HCK: variants seen among roughly 807,000 people sequenced by gnomAD.
The protein encoded by HCK is HCK proto-oncogene, Src family tyrosine kinase.
In HCK, 40 loss-of-function variants were observed where a neutral mutation model predicts 70.4. The ratio of observed to expected loss-of-function variants is 0.57; its 90% CI spans 0.44 to 0.74. HCK has a LOEUF of 0.74. Among genes scored for constraint, HCK ranks in the 30% least tolerant of loss-of-function variants. The pLI, the probability that HCK is intolerant of heterozygous loss-of-function variation, is 0.00. For synonymous variants in HCK, 245 were observed against 263.2 expected, an observed-to-expected ratio of 0.93 and a Z score of 0.67; for missense variants, 568 against 697.2, an observed-to-expected ratio of 0.81 and a Z score of 2.09.
intron 1 of HCK, chr20:32,054,208 C>T (rs1159657169): frequency 4.4e-6 from 2 of 456,524 alleles, no homozygotes; most frequent in East Asian, 1.4e-4. Flanking sequence ...GTTTCTCTCC[C>T]TCCCCAGGGG....
intron 2 of HCK, chr20:32,072,170 ATACTAATAG>A (rs2045550252): frequency 5.0e-6 from 1 of 198,190 alleles, no homozygotes; most frequent in Admixed American, 5.4e-5. Context: ...AACAATTGTC[ATACTAATAG>A]TACCAACCAT....
chr20:32,061,408 C>A (rs1380094602), intron 1 of HCK, among the ~76,000 whole-genome samples: 1 of 152,214 alleles, frequency 6.6e-6, no homozygotes. Context: ...TGGCTGGGAG[C>A]AGCCCATGAG....
intron 12 of HCK, among the ~76,000 whole-genome samples, chr20:32,099,766 C>T (rs955066650): frequency 6.6e-6 from 1 of 152,166 alleles, no homozygotes; most frequent in African/African-American, 2.4e-5. Flanking sequence ...TCCAGGCCAG[C>T]GTCATCTCCC....
intron 6 of HCK, among the ~76,000 whole-genome samples, chr20:32,081,915 A>T (rs2122567983): frequency 6.6e-6 from 1 of 152,338 alleles, no homozygotes; most frequent in Admixed American, 6.5e-5. Context: ...GAGATGGGGC[A>T]TGTTGGGAAT....
chr20:32,083,112 T>C (rs2045730267), intron 6 of HCK, among the ~76,000 whole-genome samples: 2 of 152,138 alleles, frequency 1.3e-5, no homozygotes, highest in Non-Finnish European at 2.9e-5. Flanking sequence ...CCTTGGCTCA[T>C]AGTCCCTTCC....
chr20:32,052,519 C>A, intron 1 of HCK, 33 bp downstream of exon 1: 1 of 1,257,108 alleles, frequency 8.0e-7, no homozygotes, highest in Non-Finnish European at 1.0e-6. Context: ...CGGGAATACC[C>A]GGCCCGCGAG....
intron 10 of HCK, 92 bp downstream of exon 10, chr20:32,088,736 A>G: frequency 2.3e-6 from 2 of 881,450 alleles, no homozygotes; most frequent in Non-Finnish European, 3.8e-6. Context: ...TGATGATAGC[A>G]GTAATAATAA....
intron 1 of HCK, among the ~76,000 whole-genome samples, chr20:32,064,908 C>T (rs958755951): frequency 1.3e-5 from 2 of 152,224 alleles, no homozygotes; most frequent in Admixed American, 6.5e-5. Flanking sequence ...GTATCTTTAC[C>T]AGGGATCAGC....
chr20:32,093,754 G>A, intron 10 of HCK, 109 bp from the exon 11 acceptor site: 1 of 1,018,748 alleles, frequency 9.8e-7, no homozygotes, highest in Non-Finnish European at 1.4e-6. Flanking sequence ...GAGGGCTGGT[G>A]CAGACATTTC....
chr20:32,100,332 G>A (rs1464785923), intron 12 of HCK, among the ~76,000 whole-genome samples: 1 of 152,218 alleles, frequency 6.6e-6, no homozygotes, highest in Non-Finnish European at 1.5e-5. Flanking sequence ...GGCAGCCAGT[G>A]AGGAGGCCAC....
At chr20:32,071,807 C>T in intron 2 of HCK, 25 bp downstream of exon 2, 2 of 1,609,982 alleles carry the variant, frequency 1.2e-6, no homozygotes, top group Non-Finnish European at 1.7e-6. Flanking sequence ...TCCCAGTTTC[C>T]CTGGGGGCTG....
chr20:32,065,329 G>A lies in HCK; in HGVS notation c.63-6333G>A, dbSNP rs529430013. Among the ~76,000 whole-genome samples the A allele has an allele frequency of 4.6e-5, 7 of 152,344 alleles. No homozygotes were observed. In the South Asian group the frequency reaches 1.5e-3, roughly 32 times the overall value. ...AATCCAGAGTGTGACCCAAGAATATGCAAGAATCAGTGGAGACTTTTTGAG... is the reference window on the plus strand; with the variant it reads ...AATCCAGAGTGTGACCCAAGAATATACAAGAATCAGTGGAGACTTTTTGAG... On this transcript the variant is annotated intron_variant, in intron 1 of 12. Transcript: ENST00000375852.
intron 12 of HCK, among the ~76,000 whole-genome samples, chr20:32,100,639 C>A (rs1384094734): frequency 6.6e-6 from 1 of 152,098 alleles, no homozygotes; most frequent in Admixed American, 6.6e-5. Flanking sequence ...GAGTTTGAGA[C>A]TAATAATATA....
rs532996242 is a variant in HCK at position 32,080,992 on chromosome 20, G to A, written c.532+1115G>A. On this transcript the variant is annotated intron_variant, in intron 6 of 12. Coordinates refer to ENST00000375852, the MANE Select transcript of HCK (RefSeq NM_002110.5). Reference sequence around the variant, plus strand: ...TACTCCCTGATACTCAGAAGGGTGAGGCCAGATGATCTCTTGAGTCCAGGA... The same window carrying A: ...TACTCCCTGATACTCAGAAGGGTGAAGCCAGATGATCTCTTGAGTCCAGGA... 1.3e-4 allele frequency among the ~76,000 whole-genome samples: 20 copies of A among 152,114 alleles called. No homozygotes were observed. In the South Asian group the frequency reaches 4.2e-3, roughly 32 times the overall value.
intron 1 of HCK, chr20:32,069,609 G>A (rs565896550): frequency 2.3e-6 from 1 of 434,886 alleles, no homozygotes; most frequent in African/African-American, 2.1e-5. Context: ...ATAAATCTGT[G>A]CTTAATTATG....
At chr20:32,078,195 C>G (rs983055483) in intron 5 of HCK, among the ~76,000 whole-genome samples, 1 of 149,088 alleles carries the variant, frequency 6.7e-6, no homozygotes, top group Non-Finnish European at 1.5e-5. Flanking sequence ...CCACCATGCT[C>G]GGCTAATTTT....
In HCK at chr20:32,086,748, A is replaced by G; in HGVS notation, c.956A>G (p.Lys319Arg). ...ACTCTGCAGCATGACAAGCTGGTCA[A>G]ACTTCATGCGGTGGTCACCAAGGAG... Residue 319 changes from lysine (K) to arginine (R), a missense_variant, in exon 9 of 13, where the codon AAA (lysine) becomes AGA (arginine). By Grantham distance (26) the Lys-to-Arg change is conservative. Around this residue, in one of 4 missense-constraint regions of HCK, gnomAD observed 160 missense variants for 237.5 expected, o/e 0.67. Transcript: ENST00000375852. The G allele has an allele frequency of 6.2e-7, 1 of 1,607,746 alleles. No individual in the cohort carries two copies. The highest frequency in any genetic ancestry group is 8.5e-7 in the Non-Finnish European group (1 of 1,176,906).
At chr20:32,070,749 C>T (rs1418116852) in intron 1 of HCK, among the ~76,000 whole-genome samples, 2 of 151,950 alleles carry the variant, frequency 1.3e-5, no homozygotes, top group Non-Finnish European at 2.9e-5. Flanking sequence ...GTCCTGAGGG[C>T]GTGAACTTGC....
intron 9 of HCK, 103 bp downstream of exon 9, chr20:32,086,910 T>A: frequency 9.5e-7 from 1 of 1,049,236 alleles, no homozygotes; most frequent in Non-Finnish European, 1.4e-6. Context: ...ATGGCCCCAA[T>A]CTGGCCAGGA....
Sources: gnomAD v4.1 joint callset for allele counts (sites outside exome capture counted in the v4.1 genomes callset) on GRCh38, gnomAD v4.1.1 for gene constraint, gnomAD v4.1.1 regional missense constraint, MANE v1.5 for transcripts, NCBI Gene and HGNC (gene_info 2026-07-23, HGNC 2026-07-21) for gene names.